Variants in PYGM observed in about 807,000 individuals in gnomAD.
The protein encoded by PYGM is glycogen phosphorylase, muscle form.
In PYGM, 81 loss-of-function variants were observed where a neutral mutation model predicts 99.3. The observed-to-expected ratio is 0.82, with a 90% CI of 0.68 to 0.98. The LOEUF is 0.98. PYGM is among the 50% of genes least tolerant of loss of function. PYGM has a pLI of 0.00. For synonymous variants in PYGM, 436 were observed against 451.5 expected (o/e 0.97, Z 0.44); for missense variants, 1,030 against 1,158.1 (o/e 0.89, Z 1.61).
intron 16 of PYGM, 182 bp downstream of exon 16, chr11:64,751,143 T>G: frequency 1.2e-6 from 1 of 854,864 alleles, no homozygotes; most frequent in South Asian, 1.6e-5. Context: ...CCACCCACCT[T>G]GGCCTCCCAA....
chr11:64,752,162 TA>T, intron 13 of PYGM, 91 bp from the exon 14 acceptor site: 2 of 1,571,306 alleles, frequency 1.3e-6, no homozygotes, highest in Non-Finnish European at 1.7e-6. Context: ...GGAGGATGGC[TA>T]CCAGGAGGCT....
In PYGM at chr11:64,754,196, G is replaced by C; in HGVS notation, c.1092+57C>G. 2 of 1,588,102 alleles carry C rather than the reference G, an allele frequency of 1.3e-6. No homozygotes were observed. The highest frequency in any genetic ancestry group is 1.7e-6 in the Non-Finnish European group (2 of 1,157,034). ...CATATCCTCCCACGCTCCCAAACTGGGAAGGGAACCCCGAGGCAGAGAGCA... is the reference window on the plus strand; with the variant it reads ...CATATCCTCCCACGCTCCCAAACTGCGAAGGGAACCCCGAGGCAGAGAGCA... On this transcript the variant is annotated intron_variant, in intron 9 of 19. Transcript: ENST00000164139. The surrounding 1 kb of genome is among the most constrained non-coding windows in gnomAD (Gnocchi z 5.5).
At position 64,754,923 on chromosome 11, in the gene PYGM, C is replaced by A; in HGVS notation, c.856-87G>T. 1 of 1,554,736 alleles carries A rather than the reference C, an allele frequency of 6.4e-7. No individual in the cohort carries two copies. The highest frequency in any genetic ancestry group is 8.7e-7 in the Non-Finnish European group (1 of 1,148,572). ...GGTGTGGCCAGGAGGGACTCCCACC[C>A]ATACCGGGACCCCTGAGCCCTGAGC... On this transcript the variant is annotated intron_variant, in intron 7 of 19. Transcript: ENST00000164139. This position sits in a 1 kb window ranked among gnomAD's most constrained non-coding sequence, Gnocchi z 5.5.
At chr11:64,747,616 G>T in intron 17 of PYGM, 1 of 516,102 alleles carries the variant, frequency 1.9e-6, no homozygotes, top group Non-Finnish European at 3.5e-6. Context: ...CCCCAAACAA[G>T]CTCTTTTCTC....
Position 64,755,215 on chromosome 11 carries a change from C to T in PYGM, c.855+58G>A, listed in dbSNP as rs1054563098. On this transcript the variant is annotated intron_variant, in intron 7 of 19. Transcript: ENST00000164139. The surrounding 1 kb of genome is among the most constrained non-coding windows in gnomAD (Gnocchi z 4.1). Reference sequence around the variant, plus strand: ...CAGCAAGTGTCCTTCCCCAGCTCTCCCTGACCCCTGCTGCCAAGGACTCAG... The same window carrying T: ...CAGCAAGTGTCCTTCCCCAGCTCTCTCTGACCCCTGCTGCCAAGGACTCAG... The T allele has an allele frequency of 6.4e-7, 1 of 1,562,338 alleles. No individual in the cohort carries two copies. Among genetic ancestry groups the T allele is most frequent in the Non-Finnish European group, 8.8e-7 (1 of 1,133,944 alleles).
chr11:64,755,264 G>T lies in PYGM; in HGVS notation c.855+9C>A, dbSNP rs779395958. On this transcript the variant is annotated intron_variant, in intron 7 of 19. Transcript: ENST00000164139. This position sits in a 1 kb window ranked among gnomAD's most constrained non-coding sequence, Gnocchi z 4.1. The stretch of plus-strand genomic sequence containing the variant: ...AGGCTTCCAGCCCCCAGCCCAGGGG[G>T]TGACGCACATTATCATTGGGGTACA... 6.2e-7 allele frequency: 1 copy of T among 1,613,278 alleles called. No individual in the cohort carries two copies. Among genetic ancestry groups the T allele is most frequent in the Non-Finnish European group, 8.5e-7 (1 of 1,179,308 alleles).
rs2135830778 is a variant in PYGM at position 64,752,037 on chromosome 11, C to T, written c.1655G>A (p.Arg552Lys). The change falls in exon 14 of 20, where the codon AGG becomes AAG. Residue 552 changes from arginine to lysine, a missense_variant. Physicochemically the swap from Arg to Lys is conservative, Grantham distance 26 (BLOSUM62 2). Transcript: ENST00000164139. ...GGGGTTGATGTGGACTTTGTATTCCCTCTCTAGGTAGGCAGCAAACTTCAA... is the reference window on the plus strand; with the variant it reads ...GGGGTTGATGTGGACTTTGTATTCCTTCTCTAGGTAGGCAGCAAACTTCAA... ...NKLKFAAYLE[R>K]EYKVHINPNS... is the part of the protein sequence containing the mutation. 1 of 1,614,098 alleles carries T rather than the reference C, an allele frequency of 6.2e-7. No individual in the cohort carries two copies.
rs1565535857 is a variant in PYGM, at chr11:64,754,204, ACC to A, written c.1092+47_1092+48del. On this transcript the variant is annotated intron_variant, in intron 9 of 19. Transcript: ENST00000164139. This position sits in a 1 kb window ranked among gnomAD's most constrained non-coding sequence, Gnocchi z 5.5. ...CCCACGCTCCCAAACTGGGAAGGGA[ACC>A]CCGAGGCAGAGAGCATCAGATGGGG... The A allele has an allele frequency of 6.3e-7, 1 of 1,586,346 alleles. No homozygotes were observed. The highest frequency in any genetic ancestry group is 1.1e-5 in the South Asian group (1 of 90,500).
Position 64,753,696 on chromosome 11 carries a change from G to A in PYGM, c.1240-14C>T. 6.2e-7 allele frequency: 1 copy of A among 1,603,386 alleles called. No individual in the cohort carries two copies. Among genetic ancestry groups the A allele is most frequent in the Non-Finnish European group, 8.5e-7 (1 of 1,177,458 alleles). On this transcript the variant is annotated splice_polypyrimidine_tract_variant and intron_variant, in intron 10 of 19. Transcript: ENST00000164139. ...GGCCGCCACCCGCTGTGCCCAGAGA[G>A]CCCAGAGCTAGAACCAGACCCAGGA... is the stretch of plus-strand genomic sequence containing the variant.
chr11:64,757,992 C>T lies in PYGM; in HGVS notation c.529-82G>A, dbSNP rs490980. On this transcript the variant is annotated intron_variant, in intron 4 of 19. Transcript: ENST00000164139. ...GTGCACGGTGGGGCAGGGTGGGGGC[C>T]GTGGGCCGGTGTACCCTACACCAAG... 0.85 allele frequency: 1,347,063 copies of T among 1,588,884 alleles called. 588,482 individuals carry two copies. Among genetic ancestry groups the T allele is most frequent in the Non-Finnish European group, 0.9 (1,056,146 of 1,168,756 alleles).
chr11:64,758,263 T>C lies in PYGM; in HGVS notation c.511A>G (p.Ile171Val). Residue 171 changes from isoleucine (I) to valine (V), a missense_variant, in exon 4 of 20, where the codon ATC becomes GTC. Physicochemically the swap from Ile to Val is conservative, Grantham distance 29. Transcript: ENST00000164139. ...RYEFGIFNQK[I>V]SGGWQMEEAD... is the part of the protein sequence containing the mutation. ...CTGCTCACCTGCCAGCCCCCGGAGA[T>C]CTTCTGGTTAAAAATCCCAAACTCA... The C allele has an allele frequency of 3.7e-6, 6 of 1,613,370 alleles. No individual in the cohort carries two copies. Among genetic ancestry groups the C allele is most frequent in the Non-Finnish European group, 5.1e-6 (6 of 1,179,388 alleles).
At position 64,758,610 on chromosome 11, in the gene PYGM, G is replaced by C; in HGVS notation, c.338C>G (p.Thr113Ser). Residue 113 changes from threonine to serine, a missense_variant, in exon 2 of 20, where the codon ACC (threonine) becomes AGC (serine). Transcript: ENST00000164139. ...GCCCCACCCCACACACACCTGGTAG[G>C]TGGCCTCGTCACAGGCATTCTCTAA... is the stretch of plus-strand genomic sequence containing the variant. ...LALENACDEA[T>S]YQLGLDMEEL... The C allele has an allele frequency of 6.2e-7, 1 of 1,613,380 alleles. No homozygotes were observed.
chr11:64,751,454 A>G lies in PYGM; in HGVS notation c.1840T>C (p.Tyr614His). The G allele has an allele frequency of 5.6e-6, 9 of 1,614,076 alleles. No homozygotes were observed. The highest frequency in any genetic ancestry group is 5.9e-6 in the Non-Finnish European group (7 of 1,180,006). ...CTGATGATCATCTTGGCCATGTGGT[A>G]CCCAGGTGCAGCCTGAGGGGACAAA... is the stretch of plus-strand genomic sequence containing the variant. ...VMIGGKAAPG[Y>H]HMAKMIIRLV... Residue 614 changes from tyrosine (Y) to histidine (H), a missense_variant, in exon 16 of 20, where the codon TAC (tyrosine) becomes CAC (histidine). Coordinates refer to ENST00000164139, the MANE Select transcript of PYGM (RefSeq NM_005609.4).
chr11:64,748,568 A>T (rs536519532), intron 17 of PYGM: 5 of 152,352 alleles, frequency 3.3e-5, no homozygotes, highest in Middle Eastern at 3.4e-3. Flanking sequence ...AAATCATCAG[A>T]TGTGGACGTA....
intron 18 of PYGM, 74 bp from the exon 19 acceptor site, chr11:64,747,061 C>T: frequency 6.3e-7 from 1 of 1,582,456 alleles, no homozygotes; most frequent in Non-Finnish European, 8.7e-7. Context: ...AAGGGCCAAG[C>T]CTGCCCTGTC....
intron 10 of PYGM, 71 bp downstream of exon 10, chr11:64,753,808 G>A (rs1294807597): frequency 1.6e-5 from 25 of 1,544,962 alleles, no homozygotes; most frequent in Admixed American, 7.9e-5. Flanking sequence ...CTGGCTGGAC[G>A]CCCCGACTCC....
In PYGM at chr11:64,754,862, G is replaced by A. The variant is rs1305492247; in HGVS notation, c.856-26C>T. On this transcript the variant is annotated intron_variant, in intron 7 of 19. Transcript: ENST00000164139. The surrounding 1 kb of genome is among the most constrained non-coding windows in gnomAD (Gnocchi z 5.5). ...CTGGGGACAGCATGAGGCAGCGTGA[G>A]TCAGGGCGGTGGGGGCATGGCCTAA... The A allele has an allele frequency of 6.2e-7, 1 of 1,612,610 alleles. No individual in the cohort carries two copies. The highest frequency in any genetic ancestry group is 8.5e-7 in the Non-Finnish European group (1 of 1,179,890).
chr11:64,759,927 T>C lies in PYGM; in HGVS notation c.-29A>G. On this transcript the variant is annotated 5_prime_UTR_variant, in exon 1 of 20. Coordinates refer to ENST00000164139, the MANE Select transcript of PYGM (RefSeq NM_005609.4). ...TGCAGGAGGGCGGGCCGGACTGGACTGATGGTAGAGGGGACGGCGGCCTCA... is the reference window on the plus strand; with the variant it reads ...TGCAGGAGGGCGGGCCGGACTGGACCGATGGTAGAGGGGACGGCGGCCTCA... 2.5e-6 allele frequency: 4 copies of C among 1,612,790 alleles called. No individual in the cohort carries two copies. The highest frequency in any genetic ancestry group is 3.4e-6 in the Non-Finnish European group (4 of 1,179,402).
chr11:64,749,846 G>A (rs1251922327), intron 17 of PYGM, among the ~76,000 whole-genome samples: 14 of 144,964 alleles, frequency 9.7e-5, no homozygotes, highest in East Asian at 6.4e-4. Context: ...AGGCTGGAGC[G>A]CAGTGGCGCG....
Sources: gnomAD v4.1 joint callset for allele counts (sites outside exome capture counted in the v4.1 genomes callset) on GRCh38, gnomAD v4.1.1 for gene constraint, Gnocchi (gnomAD v3.1) non-coding constraint, MANE v1.5 for transcripts, NCBI Gene and HGNC (gene_info 2026-07-23, HGNC 2026-07-21) for gene names.